Variants in MYO5A observed in about 807,000 individuals in gnomAD.
The protein encoded by MYO5A is myosin VA.
MYO5A carries 98 observed loss-of-function variants against 249.7 expected under a neutral mutation model. That is an observed-to-expected ratio of 0.39 (90% CI 0.33 to 0.46). MYO5A has a LOEUF of 0.46. Ranked by LOEUF, MYO5A falls within the 20% of genes least tolerant of loss-of-function variation. The pLI, the probability that MYO5A is intolerant of heterozygous loss-of-function variation, is 0.98. For missense variants in MYO5A, 1,696 were observed against 2,308.8 expected (o/e 0.73, Z 5.44); for synonymous variants, 778 against 810.6 (o/e 0.96, Z 0.68).
chr15:52,463,764 T>C (rs2076299347), intron 1 of MYO5A, among the ~76,000 whole-genome samples: 1 of 152,210 alleles, frequency 6.6e-6, no homozygotes, highest in Non-Finnish European at 1.5e-5. Flanking sequence ...AGTGAATAAG[T>C]CAGCATTGCC....
At chr15:52,516,482 T>C (rs997547749) in intron 1 of MYO5A, among the ~76,000 whole-genome samples, 1 of 152,196 alleles carries the variant, frequency 6.6e-6, no homozygotes, top group Non-Finnish European at 1.5e-5. Flanking sequence ...TGCTAAGGCT[T>C]CAACTCAGTT....
chr15:52,410,403 T>C lies in MYO5A; in HGVS notation c.686A>G (p.Asp229Gly). 2 of 1,613,502 alleles carry C rather than the reference T, an allele frequency of 1.2e-6. No homozygotes were observed. The highest frequency in any genetic ancestry group is 1.7e-6 in the Non-Finnish European group (2 of 1,179,466). ...RFGKYIEIGF[D>G]KRYRIIGANM... ...GGCACCAATGATTCGATATCTCTTA[T>C]CAAAACCAATCTCAATATACTTCCC... The change falls in exon 6 of 42, where the codon GAT (aspartate) becomes GGT (glycine). Residue 229 changes from aspartate (D) to glycine (G), a missense_variant. Asp to Gly is a moderately conservative substitution (Grantham distance 94). Around this residue, in one of 5 missense-constraint regions of MYO5A, gnomAD observed 197 missense variants for 320.3 expected, o/e 0.62. Transcript: ENST00000399233.
At chr15:52,404,550 C>G (rs1014083734) in intron 9 of MYO5A, among the ~76,000 whole-genome samples, 3 of 152,130 alleles carry the variant, frequency 2.0e-5, no homozygotes, top group Non-Finnish European at 4.4e-5. Context: ...GCTCTATCCA[C>G]AAGGACTTCA....
intron 40 of MYO5A, among the ~76,000 whole-genome samples, chr15:52,316,666 C>T (rs980984282): frequency 1.3e-5 from 2 of 152,178 alleles, no homozygotes; most frequent in Non-Finnish European, 2.9e-5. Context: ...AACAAAGTCA[C>T]TATTTGATAA....
chr15:52,482,655 T>A (rs1170779167), intron 1 of MYO5A, among the ~76,000 whole-genome samples: 1 of 152,132 alleles, frequency 6.6e-6, no homozygotes, highest in Non-Finnish European at 1.5e-5. Flanking sequence ...TTTTTTTTTT[T>A]AATAAAAGGT....
At chr15:52,374,226 G>A (rs2041282378) in intron 20 of MYO5A, among the ~76,000 whole-genome samples, 1 of 152,192 alleles carries the variant, frequency 6.6e-6, no homozygotes, top group South Asian at 2.1e-4. Context: ...ATTATTGCTA[G>A]ATGTAAGATT....
At chr15:52,487,243 T>C (rs2076840950) in intron 1 of MYO5A, among the ~76,000 whole-genome samples, 1 of 151,828 alleles carries the variant, frequency 6.6e-6, no homozygotes, top group Admixed American at 6.6e-5. Context: ...TAGGGAAACC[T>C]TGTTTCTACA....
At chr15:52,347,589 CCAAT>C (rs1294758053) in intron 29 of MYO5A, among the ~76,000 whole-genome samples, 2 of 152,126 alleles carry the variant, frequency 1.3e-5, no homozygotes, top group South Asian at 4.2e-4. Context: ...AACTTTAATG[CCAAT>C]CAGAGACTTA....
chr15:52,383,063 T>G, intron 16 of MYO5A, 28 bp downstream of exon 16: 2 of 1,546,646 alleles, frequency 1.3e-6, no homozygotes, highest in Non-Finnish European at 1.8e-6. Flanking sequence ...ATATGTACTT[T>G]TTCACTGGGT....
At chr15:52,416,797 CAG>C (rs969283305) in intron 4 of MYO5A, among the ~76,000 whole-genome samples, 2 of 152,156 alleles carry the variant, frequency 1.3e-5, no homozygotes, top group African/African-American at 4.8e-5. Flanking sequence ...GCTAGAGAAA[CAG>C]GGTCTTCACA....
intron 1 of MYO5A, among the ~76,000 whole-genome samples, chr15:52,513,193 G>A (rs984247558): frequency 3.3e-5 from 5 of 151,910 alleles, no homozygotes; most frequent in African/African-American, 7.2e-5. Context: ...CACTTTGGGA[G>A]GCCGAGATGG....
At chr15:52,382,959 C>G (rs2041818894) in intron 16 of MYO5A, 132 bp downstream of exon 16, 2 of 770,992 alleles carry the variant, frequency 2.6e-6, no homozygotes, top group African/African-American at 1.7e-5. Flanking sequence ...TGGTTTCCCT[C>G]TACAAGGCAT....
intron 1 of MYO5A, among the ~76,000 whole-genome samples, chr15:52,471,318 T>C (rs2076462475): frequency 6.6e-6 from 1 of 151,952 alleles, no homozygotes; most frequent in Non-Finnish European, 1.5e-5. Flanking sequence ...AAAAATCAGT[T>C]CGGGGCCAGG....
In MYO5A at chr15:52,399,339, C is replaced by T. The variant is rs369643756; in HGVS notation, c.1054-1873G>A. 1.0e-3 allele frequency among the ~76,000 whole-genome samples: 157 copies of T among 152,182 alleles called. 1 individual carries two copies. The highest frequency in any genetic ancestry group is 3.4e-3 in the Middle Eastern group (1 of 294). ...CAGAGATGAGATTTCATTCTGTTGC[C>T]CAGGCTAGAGTGTGGTGGTACAATC... On this transcript the variant is annotated intron_variant, in intron 9 of 41. Coordinates refer to ENST00000399233, the MANE Select transcript of MYO5A (RefSeq NM_001382347.1).
At chr15:52,510,108 C>A (rs1400133947) in intron 1 of MYO5A, among the ~76,000 whole-genome samples, 3 of 56,642 alleles carry the variant, frequency 5.3e-5, no homozygotes, top group Non-Finnish European at 1.4e-4. Flanking sequence ...AAATGAAAAC[C>A]ATTCACAGAA....
At chr15:52,500,072 A>C (rs548950858) in intron 1 of MYO5A, among the ~76,000 whole-genome samples, 9 of 152,180 alleles carry the variant, frequency 5.9e-5, no homozygotes, top group Non-Finnish European at 1.2e-4. Flanking sequence ...AAATAAAATA[A>C]ATAAAAATTT....
intron 1 of MYO5A, among the ~76,000 whole-genome samples, chr15:52,522,944 T>C (rs766073456): frequency 6.6e-6 from 1 of 151,630 alleles, no homozygotes; most frequent in Non-Finnish European, 1.5e-5. Flanking sequence ...TTCTGGACAA[T>C]ACACAAAACT....
chr15:52,408,105 C>G lies in MYO5A; in HGVS notation c.792G>C (p.Gln264His). ...CAGGTAACTTTGCTGAGGCACAAAG[C>G]TGATAGAAGATATGATAGTTTCTCT... ...EEERNYHIFY[Q>H]LCASAKLPEF... Residue 264 changes from glutamine to histidine, a missense_variant, in exon 7 of 42, where the codon CAG (glutamine) becomes CAC (histidine). Physicochemically the swap from Gln to His is conservative, Grantham distance 24 (BLOSUM62 0). Around this residue, in one of 5 missense-constraint regions of MYO5A, gnomAD observed 185 missense variants for 204.8 expected, o/e 0.90. Transcript: ENST00000399233. 1 of 1,608,344 alleles carries G rather than the reference C, an allele frequency of 6.2e-7. No individual in the cohort carries two copies. Among genetic ancestry groups the G allele is most frequent in the Non-Finnish European group, 8.5e-7 (1 of 1,175,472 alleles).
intron 4 of MYO5A, among the ~76,000 whole-genome samples, chr15:52,421,021 G>A (rs1031595972): frequency 6.6e-6 from 1 of 152,142 alleles, no homozygotes; most frequent in African/African-American, 2.4e-5. Context: ...CTGGCACCAT[G>A]TTTGGTACAC....
Sources: gnomAD v4.1 joint callset for allele counts (sites outside exome capture counted in the v4.1 genomes callset) on GRCh38, gnomAD v4.1.1 for gene constraint, gnomAD v4.1.1 regional missense constraint, MANE v1.5 for transcripts, NCBI Gene and HGNC (gene_info 2026-07-23, HGNC 2026-07-21) for gene names.